NEDD4: variants seen among roughly 807,000 people sequenced by gnomAD.
NEDD4 encodes the protein NEDD4 E3 ubiquitin protein ligase.
NEDD4 carries 99 observed loss-of-function variants against 144.9 expected under a neutral mutation model. That is an observed-to-expected ratio of 0.68 (90% confidence interval 0.58 to 0.81). NEDD4 has a LOEUF of 0.81. Among genes scored for constraint, NEDD4 ranks in the 30% least tolerant of loss-of-function variants. The pLI, the probability that NEDD4 is intolerant of heterozygous loss-of-function variation, is 0.00. For missense variants in NEDD4, 985 were observed against 1,065.9 expected, an observed-to-expected ratio of 0.92 and a Z score of 1.06; for synonymous variants, 318 against 350.6, an observed-to-expected ratio of 0.91 and a Z score of 1.04.
At chr15:55,934,947 C>A (rs1292795808) in intron 4 of NEDD4, among the ~76,000 whole-genome samples, 1 of 130,140 alleles carries the variant, frequency 7.7e-6, no homozygotes, top group African/African-American at 2.9e-5. Context: ...CGGCTCACTG[C>A]AACCTCTGCC....
intron 5 of NEDD4, among the ~76,000 whole-genome samples, chr15:55,904,532 A>T (rs1013776597): frequency 1.3e-5 from 2 of 151,930 alleles, no homozygotes; most frequent in Non-Finnish European, 2.9e-5. Flanking sequence ...CAAAGTCCTG[A>T]CCTCAAGTGA....
chr15:55,963,571 T>C (rs1171392578), intron 2 of NEDD4, among the ~76,000 whole-genome samples: 1 of 152,238 alleles, frequency 6.6e-6, no homozygotes, highest in Admixed American at 6.5e-5. Flanking sequence ...CTTTATGTTA[T>C]AGTTGTTTTA....
chr15:55,973,291 C>T (rs952097147), intron 1 of NEDD4, among the ~76,000 whole-genome samples: 3 of 152,196 alleles, frequency 2.0e-5, no homozygotes, highest in African/African-American at 2.4e-5. Context: ...GTAATTCCAA[C>T]ACTTTGGGAC....
intron 2 of NEDD4, among the ~76,000 whole-genome samples, chr15:55,954,718 T>C (rs973931808): frequency 7.2e-5 from 11 of 152,148 alleles, no homozygotes; most frequent in African/African-American, 2.7e-4. Context: ...GAGATGGCAT[T>C]TCTCTGTGTT....
At chr15:55,855,622 C>G (rs1451379413) in intron 12 of NEDD4, among the ~76,000 whole-genome samples, 7 of 152,150 alleles carry the variant, frequency 4.6e-5, no homozygotes, top group Non-Finnish European at 8.8e-5. Flanking sequence ...TGGGACAGCA[C>G]TGAGCAGGAA....
At chr15:55,921,458 G>A (rs374946047) in intron 5 of NEDD4, among the ~76,000 whole-genome samples, 82 of 151,984 alleles carry the variant, frequency 5.4e-4, no homozygotes, top group Middle Eastern at 6.8e-3. Flanking sequence ...CAGAGTAGCC[G>A]GGACTACAGG....
At chr15:55,929,092 G>A (rs548712927) in intron 4 of NEDD4, among the ~76,000 whole-genome samples, 1 of 152,238 alleles carries the variant, frequency 6.6e-6, no homozygotes, top group Non-Finnish European at 1.5e-5. Context: ...GATGAAGCAG[G>A]GATGGAAGTG....
chr15:55,901,487 A>AAT (rs1566941078), intron 5 of NEDD4, among the ~76,000 whole-genome samples: 1 of 152,138 alleles, frequency 6.6e-6, no homozygotes, highest in Non-Finnish European at 1.5e-5. Context: ...TGTCCCTAAG[A>AAT]ATACATCCAA....
At chr15:55,985,739 T>C (rs1329781716) in intron 1 of NEDD4, among the ~76,000 whole-genome samples, 5 of 141,958 alleles carry the variant, frequency 3.5e-5, no homozygotes, top group Non-Finnish European at 7.5e-5. Context: ...TGTATACTTA[T>C]ATATGTGTGT....
chr15:55,839,391 G>GA (rs1426284584), intron 21 of NEDD4, among the ~76,000 whole-genome samples: 1 of 152,066 alleles, frequency 6.6e-6, no homozygotes, highest in Non-Finnish European at 1.5e-5. Flanking sequence ...CCGAGTTAAA[G>GA]AAAAATCTCT....
intron 27 of NEDD4, among the ~76,000 whole-genome samples, chr15:55,832,660 C>T (rs988218026): frequency 1.3e-5 from 2 of 152,138 alleles, no homozygotes; most frequent in Non-Finnish European, 2.9e-5. Context: ...AAGTGATCTG[C>T]CTGCCTCGGC....
intron 5 of NEDD4, among the ~76,000 whole-genome samples, chr15:55,890,534 T>C (rs2142119136): frequency 6.6e-6 from 1 of 152,368 alleles, no homozygotes; most frequent in Non-Finnish European, 1.5e-5. Flanking sequence ...TTTTTTATTG[T>C]TGTTACATTA....
At chr15:55,957,870 G>A (rs1369770175) in intron 2 of NEDD4, among the ~76,000 whole-genome samples, 1 of 152,064 alleles carries the variant, frequency 6.6e-6, no homozygotes, top group African/African-American at 2.4e-5. Context: ...ACTATCACAC[G>A]GACAGAAAAC....
chr15:55,834,723 T>G (rs962984224), intron 24 of NEDD4, among the ~76,000 whole-genome samples: 25 of 152,104 alleles, frequency 1.6e-4, no homozygotes, highest in Non-Finnish European at 1.3e-4. Context: ...AAAAGTGAGA[T>G]CCTGTCTCAA....
intron 1 of NEDD4, among the ~76,000 whole-genome samples, chr15:55,971,861 C>T (rs1475924213): frequency 6.6e-6 from 1 of 151,938 alleles, no homozygotes; most frequent in African/African-American, 2.4e-5. Flanking sequence ...TTAGACGCAG[C>T]AAGAGAAAAT....
intron 5 of NEDD4, among the ~76,000 whole-genome samples, chr15:55,903,840 A>AAC (rs1223646411): frequency 6.8e-5 from 2 of 29,256 alleles, no homozygotes; most frequent in Admixed American, 4.6e-4. Flanking sequence ...AAAAAAAAAA[A>AAC]CACACATATA....
At chr15:55,966,794 C>A (rs147850546) in intron 1 of NEDD4, among the ~76,000 whole-genome samples, 3 of 152,296 alleles carry the variant, frequency 2.0e-5, no homozygotes, top group Non-Finnish European at 1.5e-5. Context: ...TTTATCGCTG[C>A]GCTCAAGAAA....
rs1279499435 is a variant in NEDD4 at position 55,838,147 on chromosome 15, C to G, written c.2161G>C (p.Glu721Gln). The G allele has an allele frequency of 6.3e-7, 1 of 1,596,464 alleles. No individual in the cohort carries two copies. Residue 721 changes from glutamate (E) to glutamine (Q), a missense_variant, in exon 23 of 29, where the codon GAA becomes CAA. Transcript: ENST00000435532. ...HQHELKNGGSEIVVTNKNKKE... is the reference protein window; with the variant it reads ...HQHELKNGGSQIVVTNKNKKE... ...TTGTTCTTATTGGTGACAACTATTT[C>G]TGATCCACCATTTTTCAGCTCATGT...
intron 13 of NEDD4, among the ~76,000 whole-genome samples, chr15:55,851,100 G>A (rs1229849344): frequency 1.3e-5 from 2 of 152,178 alleles, no homozygotes; most frequent in Non-Finnish European, 2.9e-5. Context: ...TGCAAGGGGA[G>A]CTCTCGTGCC....
Sources: allele counts gnomAD v4.1 joint callset (sites outside exome capture counted in the v4.1 genomes callset), GRCh38; gene constraint gnomAD v4.1.1; transcripts MANE v1.5; gene names NCBI Gene and HGNC (gene_info 2026-07-23, HGNC 2026-07-21).